Variants in CYTH3 observed in about 807,000 individuals in gnomAD.
CYTH3 encodes cytohesin-3.
Under a neutral mutation model 55.1 loss-of-function variants are expected in CYTH3, and 23 were observed. The ratio of observed to expected loss-of-function variants is 0.42; its 90% CI spans 0.30 to 0.59. The LOEUF (loss-of-function observed/expected upper bound fraction) is 0.59, where lower values mean the gene tolerates loss of function less well. CYTH3 is among the 20% of genes least tolerant of loss of function. The pLI, the probability that CYTH3 is intolerant of heterozygous loss-of-function variation, is 0.20. For synonymous variants in CYTH3, 249 were observed against 194.9 expected (o/e 1.28, Z -2.31); for missense variants, 413 against 524.8 (o/e 0.79, Z 2.08).
At chr7:6,261,820 G>A (rs1292305570) in intron 1 of CYTH3, among the ~76,000 whole-genome samples, 1 of 150,306 alleles carries the variant, frequency 6.7e-6, no homozygotes, top group Non-Finnish European at 1.5e-5. Context: ...ACATTGTCCA[G>A]AATTTAATTA....
intron 4 of CYTH3, among the ~76,000 whole-genome samples, chr7:6,178,694 A>G (rs962336976): frequency 6.6e-6 from 1 of 152,144 alleles, no homozygotes. Flanking sequence ...TGTAAGATAC[A>G]TTTTGTTGGA....
chr7:6,225,677 A>G (rs1001498407), intron 1 of CYTH3, among the ~76,000 whole-genome samples: 28 of 149,762 alleles, frequency 1.9e-4, no homozygotes, highest in African/African-American at 6.6e-4. Flanking sequence ...ATTTTTTTGA[A>G]GAATTTTTTT....
At chr7:6,179,338 G>A (rs1046814907) in intron 4 of CYTH3, among the ~76,000 whole-genome samples, 1 of 152,126 alleles carries the variant, frequency 6.6e-6, no homozygotes, top group Non-Finnish European at 1.5e-5. Context: ...TGGTTACCCT[G>A]GGGAGTGAAT....
At chr7:6,179,658 A>C (rs1583749053) in intron 4 of CYTH3, among the ~76,000 whole-genome samples, 1 of 85,026 alleles carries the variant, frequency 1.2e-5, no homozygotes, top group Non-Finnish European at 2.2e-5. Flanking sequence ...CACACCCCAC[A>C]CACACCCCAC....
At position 6,220,722 on chromosome 7, in the gene CYTH3, G is replaced by A. The variant is rs546705182; in HGVS notation, c.35-30191C>T. Among the ~76,000 whole-genome samples, 52 of 152,152 alleles carry A rather than the reference G, an allele frequency of 3.4e-4. No homozygotes were observed. The South Asian group carries it at 5.4e-3, about 16-fold the overall frequency. ...TAAAACTAAACATACACAGCCGGGCGCGGTGGCTCACACCTGTAATCCCAG... is the reference window on the plus strand; with the variant it reads ...TAAAACTAAACATACACAGCCGGGCACGGTGGCTCACACCTGTAATCCCAG... On this transcript the variant is annotated intron_variant, in intron 1 of 12. Coordinates refer to ENST00000350796, the MANE Select transcript of CYTH3 (RefSeq NM_004227.4).
At chr7:6,177,283 A>T (rs1405289637) in intron 5 of CYTH3, among the ~76,000 whole-genome samples, 1 of 152,246 alleles carries the variant, frequency 6.6e-6, no homozygotes, top group Non-Finnish European at 1.5e-5. Context: ...TTTTGTTTAA[A>T]AACACTTTCT....
intron 1 of CYTH3, among the ~76,000 whole-genome samples, chr7:6,242,811 G>A (rs1034414457): frequency 2.6e-5 from 4 of 152,098 alleles, no homozygotes; most frequent in African/African-American, 9.7e-5. Flanking sequence ...ATCCTACCCA[G>A]TGCCTCCCAT....
At chr7:6,247,782 C>G (rs916599542) in intron 1 of CYTH3, among the ~76,000 whole-genome samples, 3 of 152,028 alleles carry the variant, frequency 2.0e-5, no homozygotes, top group African/African-American at 7.2e-5. Context: ...GTAGCTGGGA[C>G]CACAGGTGCA....
intron 1 of CYTH3, among the ~76,000 whole-genome samples, chr7:6,215,267 C>G (rs555297537): frequency 2.6e-4 from 40 of 152,152 alleles, no homozygotes; most frequent in African/African-American, 9.2e-4. Context: ...ACTTGATAGT[C>G]CCAAAACGTA....
At chr7:6,206,132 C>T (rs1026062917) in intron 1 of CYTH3, among the ~76,000 whole-genome samples, 3 of 152,132 alleles carry the variant, frequency 2.0e-5, no homozygotes, top group African/African-American at 7.2e-5. Flanking sequence ...AAAGTAAAAA[C>T]ATATGTCCAC....
chr7:6,206,763 C>A (rs1476904253), intron 1 of CYTH3, among the ~76,000 whole-genome samples: 2 of 152,184 alleles, frequency 1.3e-5, no homozygotes, highest in Non-Finnish European at 1.5e-5. Context: ...AGGATGACTT[C>A]AGGACAATCC....
chr7:6,226,208 A>G (rs991697347), intron 1 of CYTH3, among the ~76,000 whole-genome samples: 2 of 152,184 alleles, frequency 1.3e-5, no homozygotes, highest in African/African-American at 4.8e-5. Context: ...CTCCCTAAAG[A>G]TCCAGACGTC....
At chr7:6,237,514 T>C (rs1779554316) in intron 1 of CYTH3, among the ~76,000 whole-genome samples, 1 of 151,916 alleles carries the variant, frequency 6.6e-6, no homozygotes, top group Non-Finnish European at 1.5e-5. Context: ...TTGAGACCAG[T>C]CTGACCAACA....
At chr7:6,180,015 C>T (rs1783465728) in intron 4 of CYTH3, among the ~76,000 whole-genome samples, 1 of 152,158 alleles carries the variant, frequency 6.6e-6, no homozygotes, top group African/African-American at 2.4e-5. Context: ...GAGCCTAGGG[C>T]AGGAAAGACA....
chr7:6,176,546 G>A (rs1198568986), intron 5 of CYTH3, among the ~76,000 whole-genome samples: 1 of 151,938 alleles, frequency 6.6e-6, no homozygotes, highest in African/African-American at 2.4e-5. Context: ...CAGGCATGAG[G>A]CACCACGCCT....
At chr7:6,209,047 C>A (rs1203544063) in intron 1 of CYTH3, among the ~76,000 whole-genome samples, 4 of 152,200 alleles carry the variant, frequency 2.6e-5, no homozygotes, top group Non-Finnish European at 4.4e-5. Flanking sequence ...AAATACAGCA[C>A]TGAATAGATA....
In CYTH3 at chr7:6,272,555, G is replaced by A. The variant is rs1780695819; in HGVS notation, c.-48C>T. ...GCGAGCCGGGGGCCGGCAGCAGAGG[G>A]GCCGCGGGCTGGGGACGCCGCCGGA... On this transcript the variant is annotated 5_prime_UTR_variant, in exon 1 of 13. Transcript: ENST00000350796. 6 of 1,262,508 alleles carry A rather than the reference G, an allele frequency of 4.8e-6. No individual in the cohort carries two copies. The highest frequency in any genetic ancestry group is 6.0e-6 in the Non-Finnish European group (6 of 993,276). 78.2% of individuals were successfully genotyped at this position (1,262,508 alleles called of 1,614,324 possible). A position where few individuals can be genotyped will look rare whatever the true frequency, so the allele number is the denominator to read the frequency against.
intron 1 of CYTH3, among the ~76,000 whole-genome samples, chr7:6,205,987 CA>C (rs1467370807): frequency 1.3e-5 from 2 of 148,934 alleles, no homozygotes; most frequent in Non-Finnish European, 3.0e-5. Flanking sequence ...TGCTTAAACC[CA>C]AAACAGAAAA....
intron 5 of CYTH3, among the ~76,000 whole-genome samples, chr7:6,175,057 G>C (rs1583742627): frequency 6.6e-6 from 1 of 152,136 alleles, no homozygotes; most frequent in East Asian, 1.9e-4. Context: ...TATGATAACT[G>C]GTCCTTATAA....
Sources: allele counts gnomAD v4.1 joint callset (sites outside exome capture counted in the v4.1 genomes callset), GRCh38; gene constraint gnomAD v4.1.1; transcripts MANE v1.5; gene names NCBI Gene and HGNC (gene_info 2026-07-23, HGNC 2026-07-21).